Variants in ASXL3 observed in about 807,000 individuals in gnomAD.
ASXL3 encodes putative Polycomb group protein ASXL3.
Under a neutral mutation model 170.6 loss-of-function variants are expected in ASXL3, and 34 were observed. That is an observed-to-expected ratio of 0.20 (90% CI 0.15 to 0.27). The LOEUF (loss-of-function observed/expected upper bound fraction) is 0.27, where lower values mean the gene tolerates loss of function less well. Ranked by LOEUF, ASXL3 falls within the 10% of genes least tolerant of loss-of-function variation. The probability of loss-of-function intolerance (pLI) is 1.00; values close to 1 mark genes in which losing one functional copy is unlikely to be tolerated. For missense variants in ASXL3, 2,592 were observed against 2,695.3 expected, an observed-to-expected ratio of 0.96 and a Z score of 0.85; for synonymous variants, 1,002 against 989.1, an observed-to-expected ratio of 1.01 and a Z score of -0.24.
chr18:33,657,880 A>G lies in ASXL3; in HGVS notation c.356-3736A>G, dbSNP rs538820621. ...CAGAAATAGTATTTTTATACCTTTT[A>G]AAAAATGTGGAATGATAAAAATTCT... On this transcript the variant is annotated intron_variant, in intron 4 of 11. Coordinates refer to ENST00000269197, the MANE Select transcript of ASXL3 (RefSeq NM_030632.3). 8.5e-5 allele frequency among the ~76,000 whole-genome samples: 13 copies of G among 152,246 alleles called. No homozygotes were observed. In the South Asian group the frequency reaches 2.7e-3, roughly 32 times the overall value.
chr18:33,611,102 A>G (rs2065329959), intron 2 of ASXL3, among the ~76,000 whole-genome samples: 2 of 152,046 alleles, frequency 1.3e-5, no homozygotes, highest in African/African-American at 4.8e-5. Context: ...CCTCTTTACA[A>G]CTGACACTTT....
chr18:33,628,361 A>G lies in ASXL3; in HGVS notation c.138-16533A>G, dbSNP rs139086417. On this transcript the variant is annotated intron_variant, in intron 2 of 11. Transcript: ENST00000269197. ...AAAAGATTTTGAAAAGAAGAAGAAA[A>G]TGATGGTTAGGAGACATGAACAAAC... Among the ~76,000 whole-genome samples the G allele has an allele frequency of 2.9e-3, 445 of 152,242 alleles. 1 individual carries two copies. The highest frequency in any genetic ancestry group is 5.8e-3 in the Admixed American group (88 of 15,276).
chr18:33,738,429 C>A lies in ASXL3; in HGVS notation c.1083-58C>A. 3 of 1,470,712 alleles carry A rather than the reference C, an allele frequency of 2.0e-6. No homozygotes were observed. In the South Asian group the frequency reaches 4.1e-5, roughly 20 times the overall value. The allele number at this position is 1,470,712 out of a possible 1,614,324, so 91.1% of individuals were successfully genotyped here. ...TGAATACTACATTCATGAGAGATCCCAGTTGTACCTTTTATGTTTTGTGGT... is the reference window on the plus strand; with the variant it reads ...TGAATACTACATTCATGAGAGATCCAAGTTGTACCTTTTATGTTTTGTGGT... On this transcript the variant is annotated intron_variant, in intron 10 of 11. Transcript: ENST00000269197.
At position 33,743,507 on chromosome 18, in the gene ASXL3, C is replaced by T; in HGVS notation, c.3659C>T (p.Thr1220Ile). The change falls in exon 12 of 12, where the codon ACC becomes ATC. Residue 1220 changes from threonine to isoleucine, a missense_variant. Coordinates refer to ENST00000269197, the MANE Select transcript of ASXL3 (RefSeq NM_030632.3). ...TTATCTGAGAAAATTGTTTCATCTA[C>T]CTCTTCTGAAAATAGCAGTGTGCCC... ...SHLSEKIVSS[T>I]SSENSSVPML... The T allele has an allele frequency of 6.2e-7, 1 of 1,613,478 alleles. No homozygotes were observed. The highest frequency in any genetic ancestry group is 8.5e-7 in the Non-Finnish European group (1 of 1,179,820).
At chr18:33,723,253 C>T (rs2067292248) in intron 8 of ASXL3, among the ~76,000 whole-genome samples, 2 of 152,082 alleles carry the variant, frequency 1.3e-5, no homozygotes, top group African/African-American at 4.8e-5. Context: ...GGTAGTGATT[C>T]CTCTGATGGT....
rs367697975 is a variant in ASXL3 at position 33,745,420 on chromosome 18, C to A, written c.5572C>A (p.Pro1858Thr). ...GGTGGAGCCAGATGTTAAAGGGGTGCCTTGTGTCATCAGTTCCGGCATCAG... is the reference window on the plus strand; with the variant it reads ...GGTGGAGCCAGATGTTAAAGGGGTGACTTGTGTCATCAGTTCCGGCATCAG... ...LLVEPDVKGV[P>T]CVISSGISQL... The change falls in exon 12 of 12, where the codon CCT becomes ACT. Residue 1858 changes from proline to threonine, a missense_variant. Coordinates refer to ENST00000269197, the MANE Select transcript of ASXL3 (RefSeq NM_030632.3). 2.0e-5 allele frequency: 32 copies of A among 1,613,812 alleles called. No individual in the cohort carries two copies. Among genetic ancestry groups the A allele is most frequent in the Non-Finnish European group, 2.4e-5 (28 of 1,179,884 alleles).
rs1165960109 is a variant in ASXL3 at position 33,739,531 on chromosome 18, C to T, written c.2127C>T (p.Asn709=). 1 of 1,613,956 alleles carries T rather than the reference C, an allele frequency of 6.2e-7. No individual in the cohort carries two copies. The highest frequency in any genetic ancestry group is 1.1e-5 in the South Asian group (1 of 91,076). The change falls in exon 11 of 12, where the codon AAC becomes AAT. Residue 709 remains asparagine, a synonymous_variant. Coordinates refer to ENST00000269197, the MANE Select transcript of ASXL3 (RefSeq NM_030632.3). The stretch of plus-strand genomic sequence containing the variant: ...CATCTGAAGCATCACCAGTATCCAA[C>T]TTACCTTTAACATCAGAAACCTCAC... ...PLTSEASPVS[N]LPLTSETSPM... is the part of the protein sequence containing the mutation.
intron 8 of ASXL3, among the ~76,000 whole-genome samples, chr18:33,694,186 T>C (rs2066734874): frequency 6.6e-6 from 1 of 152,186 alleles, no homozygotes; most frequent in African/African-American, 2.4e-5. Context: ...ATGGGAATGT[T>C]GGCTTAATAA....
At chr18:33,699,034 T>C (rs1599510546) in intron 8 of ASXL3, among the ~76,000 whole-genome samples, 1 of 152,048 alleles carries the variant, frequency 6.6e-6, no homozygotes, top group African/African-American at 2.4e-5. Context: ...AACTAAGACT[T>C]GAAGAAGGCA....
chr18:33,712,505 A>G (rs543393024), intron 8 of ASXL3, among the ~76,000 whole-genome samples: 1 of 152,130 alleles, frequency 6.6e-6, no homozygotes. Context: ...CTGCTCTCTT[A>G]TTTCACCTGT....
intron 2 of ASXL3, among the ~76,000 whole-genome samples, chr18:33,624,023 T>A (rs1450302394): frequency 1.3e-5 from 2 of 152,066 alleles, no homozygotes; most frequent in Non-Finnish European, 2.9e-5. Context: ...CCAGGTGTGA[T>A]TGTGCATACC....
intron 1 of ASXL3, among the ~76,000 whole-genome samples, chr18:33,583,698 C>T (rs1237266737): frequency 5.9e-5 from 9 of 152,034 alleles, no homozygotes; most frequent in African/African-American, 2.2e-4. Flanking sequence ...CAGATGATTT[C>T]TTAGATGCCA....
chr18:33,684,718 T>C (rs1157670979), intron 8 of ASXL3, among the ~76,000 whole-genome samples: 1 of 152,110 alleles, frequency 6.6e-6, no homozygotes, highest in Non-Finnish European at 1.5e-5. Context: ...TGCACTGTAG[T>C]TGGATACATA....
At position 33,746,259 on chromosome 18, in the gene ASXL3, A is replaced by C. The variant is rs1409172990; in HGVS notation, c.6411A>C (p.Leu2137Phe). ...AGCCACAAAAGCCTTTTACCCAATT[A>C]GCTGCTCAGAAAATGCAGGTGCAGC... ...LSEPQKPFTQ[L>F]AAQKMQVQQQ... is the part of the protein sequence containing the mutation. Residue 2137 changes from leucine to phenylalanine, a missense_variant, in exon 12 of 12, where the codon TTA (leucine) becomes TTC (phenylalanine). Leu to Phe is a conservative substitution (Grantham distance 22). This residue lies in a region of ASXL3 where 2,246 missense variants were observed against 2,219.6 expected (regional missense o/e 1.01). Coordinates refer to ENST00000269197, the MANE Select transcript of ASXL3 (RefSeq NM_030632.3). 1 of 1,613,880 alleles carries C rather than the reference A, an allele frequency of 6.2e-7. No individual in the cohort carries two copies. The highest frequency in any genetic ancestry group is 8.5e-7 in the Non-Finnish European group (1 of 1,179,902).
intron 1 of ASXL3, among the ~76,000 whole-genome samples, chr18:33,597,306 C>T (rs1406876628): frequency 1.3e-5 from 2 of 151,798 alleles, no homozygotes; most frequent in Non-Finnish European, 2.9e-5. Flanking sequence ...GGAATATATG[C>T]GTCCTCTCTA....
At chr18:33,590,306 T>G (rs2065067852) in intron 1 of ASXL3, among the ~76,000 whole-genome samples, 1 of 151,926 alleles carries the variant, frequency 6.6e-6, no homozygotes, top group Admixed American at 6.6e-5. Flanking sequence ...ATTTTTTAAG[T>G]GCTAATGCCA....
intron 7 of ASXL3, among the ~76,000 whole-genome samples, chr18:33,677,991 G>GA (rs1320683547): frequency 6.6e-6 from 1 of 152,162 alleles, no homozygotes; most frequent in Non-Finnish European, 1.5e-5. Context: ...GTGAGCTCAG[G>GA]AAACCCTTCT....
intron 1 of ASXL3, among the ~76,000 whole-genome samples, chr18:33,586,404 C>T (rs1440640879): frequency 6.6e-6 from 1 of 150,910 alleles, no homozygotes; most frequent in Non-Finnish European, 1.5e-5. Flanking sequence ...AATTGCCTTC[C>T]TTTTTTTTTA....
At chr18:33,612,710 T>A (rs1469981390) in intron 2 of ASXL3, among the ~76,000 whole-genome samples, 1 of 152,108 alleles carries the variant, frequency 6.6e-6, no homozygotes, top group African/African-American at 2.4e-5. Context: ...ACAATAAAAT[T>A]TCTTGGCATT....
Sources: gnomAD v4.1 joint callset for allele counts (sites outside exome capture counted in the v4.1 genomes callset) on GRCh38, gnomAD v4.1.1 for gene constraint, gnomAD v4.1.1 regional missense constraint, MANE v1.5 for transcripts, NCBI Gene and HGNC (gene_info 2026-07-23, HGNC 2026-07-21) for gene names.